Variants in COCH observed in about 807,000 individuals in gnomAD.
The protein encoded by COCH is coagulation factor C homolog, cochlin (Limulus polyphemus).
A neutral mutation model predicts 54.8 loss-of-function variants in COCH; 40 were observed. The observed-to-expected ratio is 0.73, with a 90% CI of 0.57 to 0.95. The LOEUF (loss-of-function observed/expected upper bound fraction) is 0.95, where lower values mean the gene tolerates loss of function less well. Among genes scored for constraint, COCH ranks in the 40% least tolerant of loss-of-function variants. The pLI is 0.00. For synonymous variants in COCH, 256 were observed against 237.9 expected, an observed-to-expected ratio of 1.08 and a Z score of -0.70; for missense variants, 605 against 675.0, an observed-to-expected ratio of 0.90 and a Z score of 1.15.
chr14:30,889,821 G>C lies in COCH; in HGVS notation c.*30G>C. On this transcript the variant is annotated 3_prime_UTR_variant, in exon 12 of 12. Transcript: ENST00000396618. ...AACATTTTGACAACTGAAAGAAAAA[G>C]TACAAGGGGATCCAGTGTGTAAATT... 1 of 1,602,008 alleles carries C rather than the reference G, an allele frequency of 6.2e-7. No homozygotes were observed. The highest frequency in any genetic ancestry group is 8.5e-7 in the Non-Finnish European group (1 of 1,171,652).
Position 30,877,281 on chromosome 14 carries a change from T to C in COCH, c.83-291T>C. ...GGTGGATCACTTGAGCTCGGGAATT[T>C]GAGCCTAGCTTGGGCAACTTGGCGA... On this transcript the variant is annotated intron_variant, in intron 3 of 11. Transcript: ENST00000396618. The surrounding 1 kb of genome is among the most constrained non-coding windows in gnomAD (Gnocchi z 8.6). 2.6e-6 allele frequency: 1 copy of C among 381,836 alleles called. No individual in the cohort carries two copies. Among genetic ancestry groups the C allele is most frequent in the Non-Finnish European group, 4.9e-6 (1 of 202,560 alleles). The allele number at this position is 381,836 out of a possible 1,614,324, so 23.7% of individuals were successfully genotyped here. A position where few individuals can be genotyped will look rare whatever the true frequency, so the allele number is the denominator to read the frequency against.
rs766943440 is a variant in COCH, at chr14:30,884,666, C to G, written c.733+10C>G. ...GGTAATTCCAATACAGGTAAGTAGA[C>G]TTTGATACCTGGGATGTAACATAGG... On this transcript the variant is annotated intron_variant, in intron 9 of 11. Coordinates refer to ENST00000396618, the MANE Select transcript of COCH (RefSeq NM_004086.3). 4 of 1,550,758 alleles carry G rather than the reference C, an allele frequency of 2.6e-6. No homozygotes were observed. The South Asian group carries it at 3.3e-5, about 13-fold the overall frequency.
At chr14:30,875,400 G>A (rs1895321230) in intron 3 of COCH, 1 of 596,568 alleles carries the variant, frequency 1.7e-6, no homozygotes, top group Admixed American at 3.0e-5. Context: ...GGCCCGCTGA[G>A]CGCCGGCAGC....
At position 30,886,019 on chromosome 14, in the gene COCH, A is replaced by C; in HGVS notation, c.1184A>C (p.Lys395Thr). 1.2e-6 allele frequency: 2 copies of C among 1,614,240 alleles called. No individual in the cohort carries two copies. The highest frequency in any genetic ancestry group is 1.7e-6 in the Non-Finnish European group (2 of 1,180,032). ...LMLEFVSNIA[K>T]TFEISDIGAK... ...CTTGAATTTGTTTCCAACATAGCCA[A>C]GACTTTTGAAATCTCGGACATTGGT... The change falls in exon 11 of 12, where the codon AAG (lysine) becomes ACG (threonine). Residue 395 changes from lysine (K) to threonine (T), a missense_variant. By Grantham distance (78) the Lys-to-Thr change is moderately conservative. Coordinates refer to ENST00000396618, the MANE Select transcript of COCH (RefSeq NM_004086.3).
chr14:30,889,104 C>T (rs888640240), intron 11 of COCH: 3 of 155,582 alleles, frequency 1.9e-5, no homozygotes, highest in African/African-American at 7.2e-5. Flanking sequence ...AGTCACCATT[C>T]CTCAAACAAT....
At chr14:30,879,876 T>C (rs1257367942) in intron 6 of COCH, among the ~76,000 whole-genome samples, 1 of 152,152 alleles carries the variant, frequency 6.6e-6, no homozygotes. Context: ...ATGCCCAGGC[T>C]GGTTTTGAAC....
downstream of COCH, among the ~76,000 whole-genome samples, chr14:30,891,628 T>C (rs1345829092): frequency 6.6e-6 from 1 of 152,222 alleles, no homozygotes; most frequent in Non-Finnish European, 1.5e-5. Flanking sequence ...TAGCATAGTA[T>C]GATTTTTCCC....
rs538319733 is a variant in COCH at position 30,879,518 on chromosome 14, C to T, written c.436+33C>T. On this transcript the variant is annotated intron_variant, in intron 6 of 11. Coordinates refer to ENST00000396618, the MANE Select transcript of COCH (RefSeq NM_004086.3). ...CTATGAAACCTATCTCCTAGTTGCC[C>T]GGCACAGCATTTGGAAGTTATGAAT... 32 of 1,604,186 alleles carry T rather than the reference C, an allele frequency of 2.0e-5. No homozygotes were observed. The South Asian group carries it at 2.2e-4, about 11-fold the overall frequency.
Position 30,878,826 on chromosome 14 carries a change from CTCAGGGGGACCTGTACGAG to C in COCH, c.258_276del (p.Gly87IlefsTer12). The stretch of plus-strand genomic sequence containing the variant: ...TGTGTTACAGGGGAGTAATCAGCAA[CTCAGGGGGACCTGTACGAG>C]TCTATAGCCTACCTGGTCGAGAAAA... On this transcript the variant is annotated frameshift_variant, in exon 5 of 12. Coordinates refer to ENST00000396618, the MANE Select transcript of COCH (RefSeq NM_004086.3). LOFTEE classifies it high-confidence loss of function. The C allele has an allele frequency of 6.2e-7, 1 of 1,614,146 alleles. No individual in the cohort carries two copies. Among genetic ancestry groups the C allele is most frequent in the Non-Finnish European group, 8.5e-7 (1 of 1,180,030 alleles).
At chr14:30,889,324 T>G (rs1017998814) in intron 11 of COCH, 3 of 369,428 alleles carry the variant, frequency 8.1e-6, no homozygotes, top group Non-Finnish European at 1.5e-5. Context: ...TTTATAGGTG[T>G]GTTCTGTCAT....
At chr14:30,892,628 T>TA (rs1307471081), downstream of COCH, among the ~76,000 whole-genome samples, 3 of 152,096 alleles carry the variant, frequency 2.0e-5, no homozygotes, top group Admixed American at 2.0e-4. Context: ...ACCAACATGG[T>TA]AAAGCCCTGT....
chr14:30,879,609 C>T lies in COCH; in HGVS notation c.436+124C>T. Reference sequence around the variant, plus strand: ...TATTAAAGAGAAACAAAGCAAATACCTTAAGTTTACTGGTATATTACATAT... The same window carrying T: ...TATTAAAGAGAAACAAAGCAAATACTTTAAGTTTACTGGTATATTACATAT... On this transcript the variant is annotated intron_variant, in intron 6 of 11. Coordinates refer to ENST00000396618, the MANE Select transcript of COCH (RefSeq NM_004086.3). 12 of 890,714 alleles carry T rather than the reference C, an allele frequency of 1.3e-5. No individual in the cohort carries two copies. In the South Asian group the frequency reaches 1.6e-4, roughly 12 times the overall value. The allele number at this position is 890,714 out of a possible 1,614,324, so 55.2% of individuals were successfully genotyped here. A position where few individuals can be genotyped will look rare whatever the true frequency, so the allele number is the denominator to read the frequency against.
rs1346527381 is a variant in COCH at position 30,886,045 on chromosome 14, G to A, written c.1210G>A (p.Ala404Thr). ...GACTTTTGAAATCTCGGACATTGGT[G>A]CCAAGATAGCTGCTGTACAGTTTAC... ...AKTFEISDIG[A>T]KIAAVQFTYD... Residue 404 changes from alanine (A) to threonine (T), a missense_variant, in exon 11 of 12, where the codon GCC (alanine) becomes ACC (threonine). Coordinates refer to ENST00000396618, the MANE Select transcript of COCH (RefSeq NM_004086.3). 2 of 1,614,244 alleles carry A rather than the reference G, an allele frequency of 1.2e-6. No individual in the cohort carries two copies. Among genetic ancestry groups the A allele is most frequent in the Non-Finnish European group, 1.7e-6 (2 of 1,180,046 alleles).
rs1895932102 is a variant in COCH, at chr14:30,890,097, A to C, written c.*306A>C. The C allele has an allele frequency of 1.7e-5, 18 of 1,053,148 alleles. No individual in the cohort carries two copies. The highest frequency in any genetic ancestry group is 2.0e-5 in the Non-Finnish European group (17 of 871,012). The allele number at this position is 1,053,148 out of a possible 1,614,324, so 65.2% of individuals were successfully genotyped here. A position where few individuals can be genotyped will look rare whatever the true frequency, so the allele number is the denominator to read the frequency against. ...ATGCCTACTAAATGTACAGATATGC[A>C]AATTCCATAGCTCAATAAAAGAATC... On this transcript the variant is annotated 3_prime_UTR_variant, in exon 12 of 12. Coordinates refer to ENST00000396618, the MANE Select transcript of COCH (RefSeq NM_004086.3).
rs535801007 is a variant in COCH, at chr14:30,890,211, A to G, written c.*420A>G. On this transcript the variant is annotated 3_prime_UTR_variant, in exon 12 of 12. Transcript: ENST00000396618. Reference sequence around the variant, plus strand: ...TGAAAAGAGAAACTTAAATGAACACAGCTCTTTAACATGGTTCAGGTACAC... The same window carrying G: ...TGAAAAGAGAAACTTAAATGAACACGGCTCTTTAACATGGTTCAGGTACAC... 1.0e-4 allele frequency: 100 copies of G among 990,890 alleles called. No individual in the cohort carries two copies. In the African/African-American group the frequency reaches 1.4e-3, roughly 14 times the overall value. 61.4% of individuals were successfully genotyped at this position (990,890 alleles called of 1,614,324 possible).
rs780286623 is a variant in COCH, at chr14:30,885,847, G to C, written c.1012G>C (p.Gly338Arg). 6.2e-6 allele frequency: 10 copies of C among 1,614,088 alleles called. No individual in the cohort carries two copies. Among genetic ancestry groups the C allele is most frequent in the Non-Finnish European group, 8.5e-6 (10 of 1,179,994 alleles). ...FFSYHMPNWF[G>R]TTKYVKPLVQ... The stretch of plus-strand genomic sequence containing the variant: ...CTCTTACCACATGCCCAACTGGTTT[G>C]GCACCACAAAATACGTAAAGCCTCT... Residue 338 changes from glycine to arginine, a missense_variant, in exon 11 of 12, where the codon GGC (glycine) becomes CGC (arginine). Coordinates refer to ENST00000396618, the MANE Select transcript of COCH (RefSeq NM_004086.3).
At position 30,885,494 on chromosome 14, in the gene COCH, T is replaced by C; in HGVS notation, c.834T>C (p.Pro278=). The C allele has an allele frequency of 6.2e-7, 1 of 1,613,658 alleles. No homozygotes were observed. Among genetic ancestry groups the C allele is most frequent in the South Asian group, 1.1e-5 (1 of 91,082 alleles). ...KVVVVFIDGW[P]SDDIEEAGIV... is the part of the protein sequence containing the mutation. Reference sequence around the variant, plus strand: ...TGGTGGTATTTATTGATGGTTGGCCTTCTGATGACATCGAGGAAGCAGGCA... The same window carrying C: ...TGGTGGTATTTATTGATGGTTGGCCCTCTGATGACATCGAGGAAGCAGGCA... The change falls in exon 10 of 12, where the codon CCT becomes CCC. Residue 278 remains proline (P), a synonymous_variant. Coordinates refer to ENST00000396618, the MANE Select transcript of COCH (RefSeq NM_004086.3).
At chr14:30,890,643 G>A (rs2138902156), downstream of COCH, 1 of 881,856 alleles carries the variant, frequency 1.1e-6, no homozygotes, top group East Asian at 1.2e-4. Flanking sequence ...ATTACTGCTA[G>A]TGTCTCCCCT....
chr14:30,881,007 G>A (rs1449729555), intron 8 of COCH, among the ~76,000 whole-genome samples: 1 of 151,942 alleles, frequency 6.6e-6, no homozygotes, highest in African/African-American at 2.4e-5. Context: ...CCTGAGGTCA[G>A]GAGTTCAAAA....
Sources: allele counts gnomAD v4.1 joint callset (sites outside exome capture counted in the v4.1 genomes callset), GRCh38; gene constraint gnomAD v4.1.1; non-coding constraint Gnocchi (gnomAD v3.1); transcripts MANE v1.5; gene names NCBI Gene and HGNC (gene_info 2026-07-23, HGNC 2026-07-21).